The following CTNNA3 variants were observed in gnomAD, a reference collection of about 807,000 sequenced individuals.
The protein encoded by CTNNA3 is catenin alpha-3.
A neutral mutation model predicts 95.7 loss-of-function variants in CTNNA3; 76 were observed. The observed-to-expected ratio is 0.79, with a 90% CI of 0.66 to 0.96. The LOEUF (loss-of-function observed/expected upper bound fraction) is 0.96. Among genes scored for constraint, CTNNA3 ranks in the 40% least tolerant of loss-of-function variants. CTNNA3 has a pLI of 0.00. For missense variants in CTNNA3, 1,191 were observed against 1,089.8 expected, an observed-to-expected ratio of 1.09 and a Z score of -1.31; for synonymous variants, 431 against 374.4, an observed-to-expected ratio of 1.15 and a Z score of -1.74.
At chr10:66,254,742 T>C (rs1321163826) in intron 13 of CTNNA3, among the ~76,000 whole-genome samples, 1 of 152,210 alleles carries the variant, frequency 6.6e-6, no homozygotes, top group Non-Finnish European at 1.5e-5. Context: ...CTCAACAGTC[T>C]GGTACTTTAC....
At position 67,690,657 on chromosome 10, in the gene CTNNA3, C is replaced by A. The variant is rs1008640896; in HGVS notation, c.-6+5343G>T. Among the ~76,000 whole-genome samples the A allele has an allele frequency of 2.0e-5, 3 of 152,324 alleles. No homozygotes were observed. In the South Asian group the frequency reaches 6.2e-4, roughly 32 times the overall value. ...GAGCACTGATTGGTGCATTTACAATCCCTTAGCTATTCAGAAAAGTTCTCC... is the reference window on the plus strand; with the variant it reads ...GAGCACTGATTGGTGCATTTACAATACCTTAGCTATTCAGAAAAGTTCTCC... On this transcript the variant is annotated intron_variant, in intron 1 of 17. Transcript: ENST00000433211.
At chr10:67,513,598 C>T (rs1407117892) in intron 5 of CTNNA3, among the ~76,000 whole-genome samples, 1 of 152,186 alleles carries the variant, frequency 6.6e-6, no homozygotes, top group Admixed American at 6.5e-5. Context: ...CCTCAAGACA[C>T]AGGAGGTAGC....
chr10:67,308,126 T>C (rs1840633029), intron 5 of CTNNA3, among the ~76,000 whole-genome samples: 1 of 152,186 alleles, frequency 6.6e-6, no homozygotes, highest in African/African-American at 2.4e-5. Flanking sequence ...TAGCATTTAA[T>C]TATCATTCCT....
chr10:67,071,347 C>A (rs1314791784), intron 7 of CTNNA3, among the ~76,000 whole-genome samples: 4 of 119,428 alleles, frequency 3.3e-5, no homozygotes, highest in Non-Finnish European at 5.2e-5. Flanking sequence ...TTTTTTTGGT[C>A]AGAAAATGTC....
chr10:67,429,589 A>T (rs753801394), intron 5 of CTNNA3, among the ~76,000 whole-genome samples: 1 of 151,974 alleles, frequency 6.6e-6, no homozygotes, highest in African/African-American at 2.4e-5. Flanking sequence ...ATCATTATTT[A>T]TTTCCATTTG....
chr10:66,905,478 C>A (rs575724797), intron 7 of CTNNA3, among the ~76,000 whole-genome samples: 2 of 152,186 alleles, frequency 1.3e-5, no homozygotes, highest in South Asian at 2.1e-4. Flanking sequence ...ATGTAACAAA[C>A]CTACATGTTG....
intron 13 of CTNNA3, among the ~76,000 whole-genome samples, chr10:66,144,557 C>T (rs1004092424): frequency 4.0e-5 from 6 of 151,836 alleles, no homozygotes; most frequent in Admixed American, 2.0e-4. Flanking sequence ...ACATAATCTC[C>T]GCTCACTGCA....
intron 7 of CTNNA3, among the ~76,000 whole-genome samples, chr10:66,951,362 C>T (rs557619935): frequency 2.4e-4 from 37 of 152,206 alleles, no homozygotes; most frequent in African/African-American, 7.9e-4. Flanking sequence ...ATGATCCATC[C>T]GCCTCTGCCT....
chr10:66,380,846 ACTAAATATATC>A lies in CTNNA3; in HGVS notation c.1532-1505_1532-1495del, dbSNP rs1210277493. 5.3e-5 allele frequency among the ~76,000 whole-genome samples: 8 copies of A among 152,120 alleles called. No homozygotes were observed. In the South Asian group the frequency reaches 1.7e-3, roughly 32 times the overall value. On this transcript the variant is annotated intron_variant, in intron 11 of 17. Coordinates refer to ENST00000433211, the MANE Select transcript of CTNNA3 (RefSeq NM_013266.4). ...ATGTGATAAAGCCAGAAGCCAAAAC[ACTAAATATATC>A]CTAAATATATACGCACCCAATACAG... is the stretch of plus-strand genomic sequence containing the variant.
intron 10 of CTNNA3, among the ~76,000 whole-genome samples, chr10:66,597,524 A>ATATATG (rs1183640153): frequency 1.0e-5 from 1 of 98,102 alleles, no homozygotes; most frequent in Non-Finnish European, 2.1e-5. Flanking sequence ...ATATATATAT[A>ATATATG]TATATATATA....
chr10:66,288,518 T>A (rs552979664), intron 12 of CTNNA3, among the ~76,000 whole-genome samples: 1 of 152,256 alleles, frequency 6.6e-6, no homozygotes, highest in South Asian at 2.1e-4. Flanking sequence ...AGTTGTGTTG[T>A]TTAATACAGT....
chr10:65,972,552 T>C (rs10822685), intron 16 of CTNNA3, among the ~76,000 whole-genome samples: 130,274 of 152,030 alleles, frequency 0.86, 56,043 homozygotes, highest in African/African-American at 0.9. Context: ...AACATTCAAG[T>C]TGAGAACCAA....
intron 9 of CTNNA3, among the ~76,000 whole-genome samples, chr10:66,760,414 C>T (rs1351299596): frequency 1.3e-5 from 2 of 152,184 alleles, no homozygotes; most frequent in African/African-American, 4.8e-5. Flanking sequence ...GGAATGAGCA[C>T]TGTACCTTTA....
intron 10 of CTNNA3, among the ~76,000 whole-genome samples, chr10:66,576,068 C>T (rs560948070): frequency 4.6e-5 from 7 of 151,974 alleles, no homozygotes; most frequent in South Asian, 2.1e-4. Context: ...GGGAGGAAAC[C>T]GAGCACAAAG....
At chr10:66,685,319 A>ATATG (rs1564617388) in intron 9 of CTNNA3, among the ~76,000 whole-genome samples, 880 of 19,144 alleles carry the variant, frequency 0.046, 16 homozygotes, top group East Asian at 0.094. Context: ...GTGTGTGTGT[A>ATATG]TGTGTGTATA....
chr10:66,006,692 G>T (rs557839755), intron 15 of CTNNA3, among the ~76,000 whole-genome samples: 78 of 151,996 alleles, frequency 5.1e-4, no homozygotes, highest in African/African-American at 1.8e-3. Flanking sequence ...GGCTGCCCCT[G>T]CTCCTTTCAT....
intron 13 of CTNNA3, among the ~76,000 whole-genome samples, chr10:66,247,693 T>C (rs1325263729): frequency 6.6e-6 from 1 of 152,162 alleles, no homozygotes; most frequent in Non-Finnish European, 1.5e-5. Flanking sequence ...TGGCATGACA[T>C]ATTTAAAGTG....
chr10:67,075,698 G>A (rs1033649751), intron 7 of CTNNA3, among the ~76,000 whole-genome samples: 3 of 152,164 alleles, frequency 2.0e-5, no homozygotes, highest in Non-Finnish European at 4.4e-5. Flanking sequence ...ACTATTAATT[G>A]CATTGAATAT....
chr10:67,724,692 G>C (rs753312899), intron 1 of CTNNA3, among the ~76,000 whole-genome samples: 28 of 152,156 alleles, frequency 1.8e-4, no homozygotes, highest in Non-Finnish European at 3.5e-4. Flanking sequence ...CCAGTTTTCA[G>C]CTTCCCTCTT....
Sources: allele counts gnomAD v4.1 joint callset (sites outside exome capture counted in the v4.1 genomes callset), GRCh38; gene constraint gnomAD v4.1.1; transcripts MANE v1.5; gene names NCBI Gene and HGNC (gene_info 2026-07-23, HGNC 2026-07-21).